The following CYP4Z1 variants were observed in gnomAD, a reference collection of about 807,000 sequenced individuals.
The protein encoded by CYP4Z1 is cytochrome P450 family 4 subfamily Z member 1, also known as cytochrome P450 4Z1.
CYP4Z1 carries 41 observed loss-of-function variants against 54.2 expected under a neutral mutation model. The observed-to-expected ratio is 0.76, with a 90% CI of 0.59 to 0.98. CYP4Z1 has a LOEUF of 0.98. Ranked by LOEUF, CYP4Z1 falls within the 50% of genes least tolerant of loss-of-function variation. The probability of loss-of-function intolerance (pLI) is 0.00; values close to 1 mark genes in which losing one functional copy is unlikely to be tolerated. For synonymous variants in CYP4Z1, 163 were observed against 206.2 expected, an observed-to-expected ratio of 0.79 and a Z score of 1.79; for missense variants, 513 against 599.0, an observed-to-expected ratio of 0.86 and a Z score of 1.50.
intron 8 of CYP4Z1, among the ~76,000 whole-genome samples, 192 bp downstream of exon 8, chr1:47,099,476 A>T (rs1370369522): frequency 1.3e-5 from 2 of 152,186 alleles, no homozygotes; most frequent in East Asian, 3.8e-4. Flanking sequence ...TGTGTCAATC[A>T]GACAGTATTC....
At position 47,084,642 on chromosome 1, in the gene CYP4Z1, C is replaced by A. The variant is rs768243149; in HGVS notation, c.515C>A (p.Ala172Asp). The change falls in exon 5 of 12, where the codon GCC (alanine) becomes GAC (aspartate). Residue 172 changes from alanine (A) to aspartate (D), a missense_variant. Transcript: ENST00000334194. ...CAGAACAAATGGGAGGAACACATTG[C>A]CCAAAACTCACGTCTGGAGCTCTTT... ...MMLNKWEEHI[A>D]QNSRLELFQH... The A allele has an allele frequency of 6.2e-7, 1 of 1,605,510 alleles. No homozygotes were observed. Among genetic ancestry groups the A allele is most frequent in the East Asian group, 2.3e-5 (1 of 44,126 alleles).
At chr1:47,093,976 T>C (rs1389097180) in intron 6 of CYP4Z1, among the ~76,000 whole-genome samples, 1 of 152,218 alleles carries the variant, frequency 6.6e-6, no homozygotes. Context: ...GTTTGATTTC[T>C]TATTTTCCTA....
chr1:47,068,844 T>C (rs919265374), intron 2 of CYP4Z1, 81 bp downstream of exon 2: 2 of 1,519,838 alleles, frequency 1.3e-6, no homozygotes, highest in South Asian at 1.3e-5. Context: ...GAAGGACAGG[T>C]TGAAGCATTT....
At chr1:47,091,205 G>A (rs1190938133) in intron 6 of CYP4Z1, among the ~76,000 whole-genome samples, 2 of 140,820 alleles carry the variant, frequency 1.4e-5, no homozygotes, top group Admixed American at 6.9e-5. Flanking sequence ...ATTTCTGCAG[G>A]GGAATACTGG....
At chr1:47,094,447 A>T (rs1644661730) in intron 6 of CYP4Z1, 119 bp from the exon 7 acceptor site, 1 of 659,572 alleles carries the variant, frequency 1.5e-6, no homozygotes, top group Non-Finnish European at 2.5e-6. Context: ...ACTCAGGAAC[A>T]TTGGGTGGGG....
intron 8 of CYP4Z1, among the ~76,000 whole-genome samples, chr1:47,102,061 A>T (rs1644725591): frequency 6.6e-6 from 1 of 152,098 alleles, no homozygotes; most frequent in Non-Finnish European, 1.5e-5. Context: ...TGATATAAAC[A>T]TAGCTCCTCC....
the CYP4Z1 span, among the ~76,000 whole-genome samples, chr1:47,058,667 C>T: frequency 4.6e-5 from 7 of 152,072 alleles, no homozygotes; most frequent in Non-Finnish European, 8.8e-5. Flanking sequence ...TCATACACCA[C>T]ACCTGTAAAC....
chr1:47,105,922 G>C (rs1399618490), intron 8 of CYP4Z1, among the ~76,000 whole-genome samples: 2 of 152,062 alleles, frequency 1.3e-5, no homozygotes, highest in Non-Finnish European at 2.9e-5. Context: ...TATCTGCGGG[G>C]GGGGGAGAAT....
At position 47,084,705 on chromosome 1, in the gene CYP4Z1, A is replaced by G. The variant is rs758670291; in HGVS notation, c.578A>G (p.Lys193Arg). 10 of 1,612,562 alleles carry G rather than the reference A, an allele frequency of 6.2e-6. No homozygotes were observed. In the African/African-American group the frequency reaches 1.2e-4, roughly 19 times the overall value. The change falls in exon 5 of 12, where the codon AAG (lysine) becomes AGG (arginine). Residue 193 changes from lysine to arginine, a missense_variant. By Grantham distance (26) the Lys-to-Arg change is conservative (BLOSUM62 2). Transcript: ENST00000334194. ...VSLMTLDSIM[K>R]CAFSHQGSIQ... ...CTGATGACCCTGGACAGCATCATGA[A>G]GTGTGCCTTCAGCCACCAGGGCAGC...
intron 9 of CYP4Z1, 157 bp from the exon 10 acceptor site, chr1:47,115,372 A>T (rs1644822178): frequency 1.6e-6 from 1 of 612,340 alleles, no homozygotes; most frequent in African/African-American, 1.9e-5. Context: ...GGTGCAGCAC[A>T]CCAACATGGC....
Position 47,082,342 on chromosome 1 carries a change from C to T in CYP4Z1, c.373C>T (p.Leu125Phe). ...KILESWVGRG[L>F]VTLDGSKWKK... ...CCCTCTCATTTCATAAGGTCGAGGACTTGTGACCCTGGATGGTTCTAAATG... is the reference window on the plus strand; with the variant it reads ...CCCTCTCATTTCATAAGGTCGAGGATTTGTGACCCTGGATGGTTCTAAATG... The change falls in exon 4 of 12, where the codon CTT becomes TTT. Residue 125 changes from leucine to phenylalanine, a missense_variant. Leu to Phe is a conservative substitution (Grantham distance 22). Transcript: ENST00000334194. 6.2e-7 allele frequency: 1 copy of T among 1,605,278 alleles called. No homozygotes were observed. Among genetic ancestry groups the T allele is most frequent in the Non-Finnish European group, 8.5e-7 (1 of 1,176,402 alleles).
intron 7 of CYP4Z1, 42 bp downstream of exon 7, chr1:47,094,711 AAAT>A: frequency 6.7e-7 from 1 of 1,501,312 alleles, no homozygotes; most frequent in Non-Finnish European, 9.2e-7. Context: ...CTCAATAATT[AAAT>A]AATAAAGAAA....
chr1:47,062,567 C>T (rs542437100), upstream of CYP4Z1, among the ~76,000 whole-genome samples: 190 of 152,230 alleles, frequency 1.2e-3, no homozygotes, highest in African/African-American at 4.3e-3. Context: ...CTCTGACTAC[C>T]GGCTTTCCCC....
intron 9 of CYP4Z1, among the ~76,000 whole-genome samples, chr1:47,113,427 A>C (rs987216868): frequency 6.6e-6 from 1 of 152,142 alleles, no homozygotes; most frequent in Non-Finnish European, 1.5e-5. Flanking sequence ...CATGTGTTGC[A>C]ATTGCCTGTC....
In CYP4Z1 at chr1:47,099,194, T is replaced by C; in HGVS notation, c.977T>C (p.Ile326Thr). ...HDTTSSAISW[I>T]LYCLAKYPEH... ...ACCACATCCAGTGCTATCTCCTGGA[T>C]CCTTTACTGCTTGGCAAAGTACCCT... The change falls in exon 8 of 12, where the codon ATC becomes ACC. Residue 326 changes from isoleucine (I) to threonine (T), a missense_variant. Physicochemically the swap from Ile to Thr is moderately conservative, Grantham distance 89 (BLOSUM62 -1). Coordinates refer to ENST00000334194, the MANE Select transcript of CYP4Z1 (RefSeq NM_178134.3). 6.2e-7 allele frequency: 1 copy of C among 1,614,038 alleles called. No homozygotes were observed. Among genetic ancestry groups the C allele is most frequent in the Non-Finnish European group, 8.5e-7 (1 of 1,179,982 alleles).
At chr1:47,060,248 AC>A in the CYP4Z1 span, among the ~76,000 whole-genome samples, 1 of 152,230 alleles carries the variant, frequency 6.6e-6, no homozygotes, top group Non-Finnish European at 1.5e-5. Flanking sequence ...TAAATGTCCC[AC>A]TTAAAAGGCA....
the CYP4Z1 span, among the ~76,000 whole-genome samples, chr1:47,055,629 C>T: frequency 2.6e-5 from 4 of 152,266 alleles, no homozygotes; most frequent in Admixed American, 1.3e-4. Flanking sequence ...GATTCAACTT[C>T]TTCCTGGTTT....
intron 2 of CYP4Z1, among the ~76,000 whole-genome samples, chr1:47,077,824 G>A (rs772919766): frequency 2.6e-5 from 4 of 151,836 alleles, no homozygotes; most frequent in Non-Finnish European, 5.9e-5. Flanking sequence ...TCACTATGTT[G>A]TCCAGGCTGG....
chr1:47,109,681 C>G (rs1339471924), intron 9 of CYP4Z1, among the ~76,000 whole-genome samples: 1 of 152,054 alleles, frequency 6.6e-6, no homozygotes, highest in African/African-American at 2.4e-5. Flanking sequence ...ATATTTTGAG[C>G]CTTGCTCAGA....
Sources: allele counts gnomAD v4.1 joint callset (sites outside exome capture counted in the v4.1 genomes callset), GRCh38; gene constraint gnomAD v4.1.1; transcripts MANE v1.5; gene names NCBI Gene and HGNC (gene_info 2026-07-23, HGNC 2026-07-21).